The following NHSL1 variants were observed in gnomAD, a reference collection of about 807,000 sequenced individuals.
NHSL1 encodes the protein NHS like 1.
A neutral mutation model predicts 95.0 loss-of-function variants in NHSL1; 48 were observed. The ratio of observed to expected loss-of-function variants is 0.51; its 90% CI spans 0.40 to 0.64. The LOEUF (loss-of-function observed/expected upper bound fraction) is 0.64, where lower values mean the gene tolerates loss of function less well. NHSL1 is among the 30% of genes least tolerant of loss of function. The probability of loss-of-function intolerance (pLI) is 0.00; values close to 1 mark genes in which losing one functional copy is unlikely to be tolerated. For missense variants in NHSL1, 1,971 were observed against 2,077.7 expected (o/e 0.95, Z 1.00); for synonymous variants, 783 against 833.9 (o/e 0.94, Z 1.05).
At position 138,484,380 on chromosome 6, in the gene NHSL1, C is replaced by T. The variant is rs567967155; in HGVS notation, c.212-10947G>A. 1.2e-3 allele frequency among the ~76,000 whole-genome samples: 186 copies of T among 152,034 alleles called. 1 individual carries two copies. The highest frequency in any genetic ancestry group is 2.4e-3 in the Non-Finnish European group (162 of 67,976). On this transcript the variant is annotated intron_variant, in intron 2 of 7. Transcript: ENST00000343505. ...AAAAAAAGGAATGATAAGCAGACTG[C>T]CTAAAAATTATTTTATAATAACACA...
chr6:138,444,498 C>A (rs1776733916), intron 4 of NHSL1, among the ~76,000 whole-genome samples: 1 of 151,928 alleles, frequency 6.6e-6, no homozygotes, highest in African/African-American at 2.4e-5. Context: ...GGGATTAAAT[C>A]AATTTTCAAG....
intron 4 of NHSL1, 199 bp downstream of exon 4, chr6:138,446,802 C>T: frequency 1.7e-6 from 1 of 576,864 alleles, no homozygotes; most frequent in Non-Finnish European, 3.0e-6. Flanking sequence ...GCGACATAGT[C>T]TTCGAACCCA....
intron 5 of NHSL1, among the ~76,000 whole-genome samples, chr6:138,437,405 C>T (rs1204210515): frequency 3.5e-5 from 2 of 56,998 alleles, no homozygotes; most frequent in African/African-American, 7.5e-5. Flanking sequence ...TATATATATA[C>T]ACACATATAC....
chr6:138,593,937 G>A (rs1244135743), intron 1 of NHSL1, among the ~76,000 whole-genome samples: 1 of 152,174 alleles, frequency 6.6e-6, no homozygotes, highest in Non-Finnish European at 1.5e-5. Flanking sequence ...TCCCAAACTG[G>A]TGTTAAGGAA....
At chr6:138,632,593 G>T (rs184632557) in intron 1 of NHSL1, among the ~76,000 whole-genome samples, 7 of 152,286 alleles carry the variant, frequency 4.6e-5, no homozygotes, top group Admixed American at 3.3e-4. Flanking sequence ...AATTCTTCCA[G>T]ATCTTGTCCA....
chr6:138,604,330 G>T (rs193159051), intron 1 of NHSL1, among the ~76,000 whole-genome samples: 24 of 152,314 alleles, frequency 1.6e-4, no homozygotes, highest in Middle Eastern at 3.4e-3. Context: ...AGCCATGTAT[G>T]AGAAGTAATC....
At chr6:138,570,984 T>C (rs192650752) in intron 1 of NHSL1, among the ~76,000 whole-genome samples, 21 of 152,260 alleles carry the variant, frequency 1.4e-4, no homozygotes, top group Admixed American at 9.2e-4. Flanking sequence ...AAATATAAAA[T>C]AGGGGTGTGT....
At chr6:138,502,414 C>T (rs1425133213), upstream of NHSL1, among the ~76,000 whole-genome samples, 2 of 151,348 alleles carry the variant, frequency 1.3e-5, no homozygotes, top group African/African-American at 4.9e-5. Context: ...TTTATACGTG[C>T]AACAGAAAAG....
rs536383903 is a variant in NHSL1, at chr6:138,609,564, C to T, written c.96+82912G>A. Among the ~76,000 whole-genome samples the T allele has an allele frequency of 1.1e-4, 17 of 152,164 alleles. No individual in the cohort carries two copies. In the East Asian group the frequency reaches 2.5e-3, roughly 22 times the overall value. The stretch of plus-strand genomic sequence containing the variant: ...AAGAGCTCGAGACCATCCTGGCTAA[C>T]GTGGTGAAACCCCATCTCTACTAAA... On this transcript the variant is annotated intron_variant, in intron 1 of 3. Transcript: ENST00000491526.
At chr6:138,649,565 C>T (rs1266103592) in intron 1 of NHSL1, among the ~76,000 whole-genome samples, 1 of 151,994 alleles carries the variant, frequency 6.6e-6, no homozygotes, top group Admixed American at 6.6e-5. Flanking sequence ...TGGGTATTCA[C>T]AACTGCACAG....
intron 1 of NHSL1, among the ~76,000 whole-genome samples, chr6:138,538,329 C>T (rs1562357350): frequency 6.6e-6 from 1 of 152,156 alleles, no homozygotes; most frequent in Non-Finnish European, 1.5e-5. Flanking sequence ...TTTGCCATGC[C>T]ATCCCACATA....
At chr6:138,473,132 A>G (rs1778856776) in intron 3 of NHSL1, among the ~76,000 whole-genome samples, 174 bp downstream of exon 3, 1 of 152,214 alleles carries the variant, frequency 6.6e-6, no homozygotes, top group Non-Finnish European at 1.5e-5. Context: ...CCCAGTTTCC[A>G]TTTATGTTAC....
intron 2 of NHSL1, among the ~76,000 whole-genome samples, chr6:138,493,947 G>C (rs1195127192): frequency 6.6e-6 from 1 of 152,128 alleles, no homozygotes; most frequent in Non-Finnish European, 1.5e-5. Context: ...GGTTACTCAG[G>C]CTAAATAAAA....
chr6:138,504,549 C>T (rs1225942873), intron 1 of NHSL1, among the ~76,000 whole-genome samples: 1 of 152,140 alleles, frequency 6.6e-6, no homozygotes, highest in Non-Finnish European at 1.5e-5. Context: ...GCTGAAACTT[C>T]GGTGAAAGCT....
At chr6:138,667,977 C>A (rs149837516) in intron 1 of NHSL1, among the ~76,000 whole-genome samples, 1 of 152,272 alleles carries the variant, frequency 6.6e-6, no homozygotes, top group East Asian at 1.9e-4. Flanking sequence ...TATTTAACTT[C>A]CTTTGAAATC....
At chr6:138,453,128 C>T (rs1003160638) in intron 3 of NHSL1, among the ~76,000 whole-genome samples, 2 of 151,414 alleles carry the variant, frequency 1.3e-5, no homozygotes, top group Non-Finnish European at 2.9e-5. Flanking sequence ...GCACGTGCCA[C>T]CATGCCTGGC....
chr6:138,654,009 T>C (rs781404140), intron 1 of NHSL1, among the ~76,000 whole-genome samples: 113 of 152,170 alleles, frequency 7.4e-4, no homozygotes, highest in Non-Finnish European at 1.2e-3. Context: ...CTTCATAAAA[T>C]TTACTCCTGC....
intron 2 of NHSL1, among the ~76,000 whole-genome samples, chr6:138,479,646 C>G (rs916959395): frequency 6.6e-6 from 1 of 152,190 alleles, no homozygotes; most frequent in African/African-American, 2.4e-5. Context: ...AATTTTCAGA[C>G]CATGGTTGAC....
chr6:138,593,738 G>A (rs1784264027), intron 1 of NHSL1, among the ~76,000 whole-genome samples: 1 of 152,124 alleles, frequency 6.6e-6, no homozygotes, highest in Non-Finnish European at 1.5e-5. Context: ...CTTCCTTTCG[G>A]GTCAAAGATT....
Sources: allele counts gnomAD v4.1 joint callset (sites outside exome capture counted in the v4.1 genomes callset), GRCh38; gene constraint gnomAD v4.1.1; transcripts MANE v1.5; gene names NCBI Gene and HGNC (gene_info 2026-07-23, HGNC 2026-07-21).